GRM5: variants seen among roughly 807,000 people sequenced by gnomAD.
GRM5 encodes glutamate metabotropic receptor 5, also known as metabotropic glutamate receptor 5.
In GRM5, 19 loss-of-function variants were observed where a neutral mutation model predicts 83.1. The ratio of observed to expected loss-of-function variants is 0.23; its 90% CI spans 0.16 to 0.34. The LOEUF (loss-of-function observed/expected upper bound fraction) is 0.34. GRM5 is among the 10% of genes least tolerant of loss of function. The probability of loss-of-function intolerance (pLI) is 1.00; values close to 1 mark genes in which losing one functional copy is unlikely to be tolerated. For synonymous variants in GRM5, 675 were observed against 633.6 expected (o/e 1.07, Z -0.98); for missense variants, 1,160 against 1,588.3 (o/e 0.73, Z 4.58).
chr11:88,928,944 A>ACACACTCT (rs1565296638), intron 2 of GRM5, among the ~76,000 whole-genome samples: 1 of 150,970 alleles, frequency 6.6e-6, no homozygotes, highest in African/African-American at 2.4e-5. Flanking sequence ...ACACACACAC[A>ACACACTCT]CTCAAGAGTT....
At chr11:88,758,082 A>G (rs973882764) in intron 3 of GRM5, among the ~76,000 whole-genome samples, 1 of 152,156 alleles carries the variant, frequency 6.6e-6, no homozygotes, top group African/African-American at 2.4e-5. Flanking sequence ...ACAAAAACCA[A>G]TCCAAAGGAC....
intron 2 of GRM5, among the ~76,000 whole-genome samples, chr11:88,999,768 G>T (rs1445764333): frequency 1.3e-5 from 2 of 152,106 alleles, no homozygotes; most frequent in African/African-American, 4.8e-5. Context: ...AAATCATGCT[G>T]CTATAAAGAC....
intron 3 of GRM5, among the ~76,000 whole-genome samples, chr11:88,801,918 C>A (rs946608601): frequency 2.3e-4 from 35 of 151,958 alleles, no homozygotes; most frequent in African/African-American, 7.7e-4. Context: ...AGAGGTTAAC[C>A]CTTTTCTGGT....
At position 88,871,923 on chromosome 11, in the gene GRM5, A is replaced by C. The variant is rs546436917; in HGVS notation, c.662-21768T>G. Among the ~76,000 whole-genome samples, 350 of 151,616 alleles carry C rather than the reference A, an allele frequency of 2.3e-3. 2 individuals are homozygous for C. The highest frequency in any genetic ancestry group is 2.6e-3 in the Non-Finnish European group (178 of 67,594). Reference sequence around the variant, plus strand: ...TATAAACAGATGAAAAAAAAAGTTCAATAGAATTCATTAACATACTGAAGG... The same window carrying C: ...TATAAACAGATGAAAAAAAAAGTTCCATAGAATTCATTAACATACTGAAGG... On this transcript the variant is annotated intron_variant, in intron 2 of 9. Transcript: ENST00000305447.
chr11:88,981,526 C>G (rs151027474), intron 2 of GRM5, among the ~76,000 whole-genome samples: 5,193 of 152,226 alleles, frequency 0.034, 262 homozygotes, highest in African/African-American at 0.12. Flanking sequence ...CAAAGGATTG[C>G]TCTCCAAACT....
intron 8 of GRM5, among the ~76,000 whole-genome samples, chr11:88,535,267 C>T (rs1180881797): frequency 6.6e-6 from 1 of 152,144 alleles, no homozygotes; most frequent in Non-Finnish European, 1.5e-5. Flanking sequence ...GATTCACTTG[C>T]CACTTTACTC....
intron 3 of GRM5, among the ~76,000 whole-genome samples, chr11:88,811,910 T>A (rs1227372571): frequency 1.3e-5 from 2 of 152,032 alleles, no homozygotes; most frequent in Non-Finnish European, 2.9e-5. Flanking sequence ...CAGCCAGAAA[T>A]GACATACTCT....
chr11:88,687,579 A>ATATATTTTAT (rs1250226972), intron 3 of GRM5, among the ~76,000 whole-genome samples: 1 of 46,880 alleles, frequency 2.1e-5, no homozygotes, highest in Non-Finnish European at 3.2e-5. Flanking sequence ...ATATATATAT[A>ATATATTTTAT]ATATATATAT....
intron 2 of GRM5, among the ~76,000 whole-genome samples, chr11:89,003,534 A>G (rs1273614838): frequency 6.6e-6 from 1 of 152,192 alleles, no homozygotes; most frequent in Non-Finnish European, 1.5e-5. Context: ...GACTAGCTAG[A>G]TGGCCTGGAG....
intron 3 of GRM5, among the ~76,000 whole-genome samples, chr11:88,781,308 T>C (rs1401583405): frequency 1.3e-5 from 2 of 151,778 alleles, no homozygotes; most frequent in Non-Finnish European, 2.9e-5. Context: ...CTCTAAAGAG[T>C]ATTAAAATAT....
At chr11:88,934,066 G>GA (rs1200581215) in intron 2 of GRM5, among the ~76,000 whole-genome samples, 86 of 149,220 alleles carry the variant, frequency 5.8e-4, no homozygotes, top group Middle Eastern at 3.4e-3. Flanking sequence ...AAAGTAAAAA[G>GA]AAAAAAAAAG....
intron 9 of GRM5, among the ~76,000 whole-genome samples, chr11:88,517,029 C>G (rs769398344): frequency 2.0e-5 from 3 of 151,480 alleles, no homozygotes; most frequent in Non-Finnish European, 2.9e-5. Context: ...CTTAATATTT[C>G]TAGATTAATT....
intron 4 of GRM5, among the ~76,000 whole-genome samples, chr11:88,637,385 A>C (rs923781245): frequency 6.6e-6 from 1 of 151,828 alleles, no homozygotes; most frequent in African/African-American, 2.4e-5. Flanking sequence ...AAATGGGAGA[A>C]AATTTTCGCA....
chr11:88,782,732 T>C (rs1942997496), intron 3 of GRM5, among the ~76,000 whole-genome samples: 1 of 152,156 alleles, frequency 6.6e-6, no homozygotes, highest in African/African-American at 2.4e-5. Flanking sequence ...AGAAAAATTG[T>C]CTCTGTGAAT....
At chr11:88,510,113 G>A (rs1280854548) in intron 9 of GRM5, among the ~76,000 whole-genome samples, 1 of 152,198 alleles carries the variant, frequency 6.6e-6, no homozygotes, top group African/African-American at 2.4e-5. Flanking sequence ...TGCCTTACCT[G>A]CTGGAAAATA....
rs986346341 is a variant in GRM5 at position 88,528,072 on chromosome 11, C to T, written c.2631-2668G>A. 2.7e-5 allele frequency among the ~76,000 whole-genome samples: 4 copies of T among 149,922 alleles called. No individual in the cohort carries two copies. The South Asian group carries it at 8.6e-4, about 32-fold the overall frequency. ...TATAAAACAAACCTGCACATATACCCCTGAACCTAAAAGTTTAGAAAAACC... is the reference window on the plus strand; with the variant it reads ...TATAAAACAAACCTGCACATATACCTCTGAACCTAAAAGTTTAGAAAAACC... On this transcript the variant is annotated intron_variant, in intron 8 of 9. Coordinates refer to ENST00000305447, the MANE Select transcript of GRM5 (RefSeq NM_001143831.3).
chr11:88,789,763 C>T (rs10831437), intron 3 of GRM5, among the ~76,000 whole-genome samples: 8,110 of 152,226 alleles, frequency 0.053, 403 homozygotes, highest in Admixed American at 0.16. Flanking sequence ...CTTATTCTTA[C>T]GGTAAATTAT....
chr11:88,756,844 A>C (rs1942404628), intron 3 of GRM5, among the ~76,000 whole-genome samples: 1 of 152,150 alleles, frequency 6.6e-6, no homozygotes, highest in Admixed American at 6.5e-5. Flanking sequence ...TCCCAGAAGA[A>C]TAAGAGAAAG....
intron 8 of GRM5, among the ~76,000 whole-genome samples, chr11:88,555,607 G>A (rs1469764673): frequency 6.6e-6 from 1 of 152,102 alleles, no homozygotes; most frequent in Admixed American, 6.6e-5. Context: ...TTATTAGTTT[G>A]TATTTCTGGC....
Sources: allele counts gnomAD v4.1 joint callset (sites outside exome capture counted in the v4.1 genomes callset), GRCh38; gene constraint gnomAD v4.1.1; transcripts MANE v1.5; gene names NCBI Gene and HGNC (gene_info 2026-07-23, HGNC 2026-07-21).